The following SALL3 variants were observed in gnomAD, a reference collection of about 807,000 sequenced individuals.
SALL3 encodes spalt like transcription factor 3.
In SALL3, 25 loss-of-function variants were observed where a neutral mutation model predicts 66.2. That is an observed-to-expected ratio of 0.38 (90% CI 0.28 to 0.53). SALL3 has a LOEUF of 0.53. SALL3 is among the 20% of genes least tolerant of loss of function. SALL3 has a pLI of 0.85. For synonymous variants in SALL3, 1,152 were observed against 899.1 expected, an observed-to-expected ratio of 1.28 and a Z score of -5.03; for missense variants, 2,194 against 1,916.5, an observed-to-expected ratio of 1.14 and a Z score of -2.70.
rs1023708189 is a variant in SALL3, at chr18:78,980,023, G to C, written c.-252G>C. Among the ~76,000 whole-genome samples, 56 of 145,938 alleles carry C rather than the reference G, an allele frequency of 3.8e-4. No individual in the cohort carries two copies. The highest frequency in any genetic ancestry group is 1.3e-3 in the African/African-American group (53 of 40,808). ...GCCGCGGCCCCCTCCTCGTCGGCGCGGCCGCTAATTGCGAGCGCGGCCTCA... is the reference window on the plus strand; with the variant it reads ...GCCGCGGCCCCCTCCTCGTCGGCGCCGCCGCTAATTGCGAGCGCGGCCTCA... On this transcript the variant is annotated 5_prime_UTR_variant, in exon 1 of 3. Transcript: ENST00000537592.
In SALL3 at chr18:78,993,098, C is replaced by A; in HGVS notation, c.1107C>A (p.Ser369Arg). Residue 369 changes from serine to arginine, a missense_variant, in exon 2 of 3, where the codon AGC becomes AGA. Coordinates refer to ENST00000537592, the MANE Select transcript of SALL3 (RefSeq NM_171999.4). ...CGCTTCTACCTCAGACTTCCGCCAG[C>A]GGCGTCATCTTCCCCAACCCGCTGG... ...PSPLLPQTSASGVIFPNPLVS... is the reference protein window; with the variant it reads ...PSPLLPQTSARGVIFPNPLVS... The A allele has an allele frequency of 6.2e-7, 1 of 1,601,110 alleles. No homozygotes were observed. Among genetic ancestry groups the A allele is most frequent in the Non-Finnish European group, 8.5e-7 (1 of 1,177,032 alleles).
intron 1 of SALL3, among the ~76,000 whole-genome samples, chr18:78,988,918 C>T (rs563058484): frequency 5.3e-5 from 8 of 152,262 alleles, no homozygotes; most frequent in African/African-American, 1.7e-4. Context: ...AAATTTATTA[C>T]GGAGCTTTGC....
intron 1 of SALL3, chr18:78,991,734 G>A (rs1451014414): frequency 3.4e-5 from 10 of 292,234 alleles, no homozygotes; most frequent in African/African-American, 2.2e-5. Context: ...TGAGGAAGCC[G>A]GATGGTAAAG....
chr18:78,991,394 G>GA (rs57248232), intron 1 of SALL3, among the ~76,000 whole-genome samples: 1 of 109,894 alleles, frequency 9.1e-6, no homozygotes, highest in African/African-American at 3.8e-5. Context: ...GGGGGGGGGG[G>GA]AACTGCTCTG....
In SALL3 at chr18:78,995,289, C is replaced by T. The variant is rs1914651719; in HGVS notation, c.3298C>T (p.Pro1100Ser). The T allele has an allele frequency of 1.3e-6, 2 of 1,579,288 alleles. No homozygotes were observed. The highest frequency in any genetic ancestry group is 8.6e-7 in the Non-Finnish European group (1 of 1,168,048). The change falls in exon 2 of 3, where the codon CCC (proline) becomes TCC (serine). Residue 1100 changes from proline to serine, a missense_variant. Physicochemically the swap from Pro to Ser is moderately conservative, Grantham distance 74. Coordinates refer to ENST00000537592, the MANE Select transcript of SALL3 (RefSeq NM_171999.4). ...GACAGTGATGGGCCCGGGCCTGGCG[C>T]CCATGCTGGCCCCCCCACCGCGCCG... ...PQTVMGPGLA[P>S]MLAPPPRRTP...
At position 78,992,746 on chromosome 18, in the gene SALL3, G is replaced by GCCCGGC. The variant is rs1465644207; in HGVS notation, c.759_764dup (p.Ala254_Pro255dup). 1 of 1,178,272 alleles carries GCCCGGC rather than the reference G, an allele frequency of 8.5e-7. No homozygotes were observed. Among genetic ancestry groups the GCCCGGC allele is most frequent in the Non-Finnish European group, 1.0e-6 (1 of 952,916 alleles). 73.0% of individuals were successfully genotyped at this position (1,178,272 alleles called of 1,614,324 possible). A position where few individuals can be genotyped will look rare whatever the true frequency, so the allele number is the denominator to read the frequency against. ...CCCGCGGCCGCCCCGAGCGCACCGG[G>GCCCGGC]CCCGGCCCCCAGCCAGCTGCCCGGG... On this transcript the variant is annotated inframe_insertion, in exon 2 of 3. Transcript: ENST00000537592.
rs141630980 is a variant in SALL3 at position 78,998,843 on chromosome 18, C to G, written c.*1521C>G. 1 of 152,356 alleles carries G rather than the reference C, an allele frequency of 6.6e-6. No individual in the cohort carries two copies. The highest frequency in any genetic ancestry group is 2.4e-5 in the African/African-American group (1 of 41,540). 9.4% of individuals were successfully genotyped at this position (152,356 alleles called of 1,614,324 possible). ...CCTGACGCTGATGGCTGAGCTGCAT[C>G]CAGCCAGGAGGGCCCCGGAGGCTGG... is the stretch of plus-strand genomic sequence containing the variant. On this transcript the variant is annotated 3_prime_UTR_variant, in exon 3 of 3. Transcript: ENST00000537592.
Position 78,992,451 on chromosome 18 carries a change from C to G in SALL3, c.460C>G (p.Pro154Ala), listed in dbSNP as rs1481037663. The change falls in exon 2 of 3, where the codon CCC becomes GCC. Residue 154 changes from proline (P) to alanine (A), a missense_variant. By Grantham distance (27) the Pro-to-Ala change is conservative. Coordinates refer to ENST00000537592, the MANE Select transcript of SALL3 (RefSeq NM_171999.4). ...APRPPPAAPAPPTPAYGAPST... is the reference protein window; with the variant it reads ...APRPPPAAPAAPTPAYGAPST... ...CCGGCCCCCGCCTGCGGCCCCTGCA[C>G]CCCCAACGCCCGCCTACGGCGCGCC... 29 of 1,424,280 alleles carry G rather than the reference C, an allele frequency of 2.0e-5. No individual in the cohort carries two copies. The highest frequency in any genetic ancestry group is 2.6e-5 in the Non-Finnish European group (29 of 1,094,350). The allele number at this position is 1,424,280 out of a possible 1,614,324, so 88.2% of individuals were successfully genotyped here. A position where few individuals can be genotyped will look rare whatever the true frequency, so the allele number is the denominator to read the frequency against.
rs1913923636 is a variant in SALL3, at chr18:78,979,869, A to AGGGACGGCCACCGCGGC, written c.-405_-389dup. Reference sequence around the variant, plus strand: ...AAAGTTTGCTGCCTGCGCCCTGCGGAGGGACGGCCACCGCGGCCCGCGCCG... The same window carrying AGGGACGGCCACCGCGGC: ...AAAGTTTGCTGCCTGCGCCCTGCGGAGGGACGGCCACCGCGGCGGGACGGCCACCGCGGCCCGCGCCG... On this transcript the variant is annotated 5_prime_UTR_variant, in exon 1 of 3. Coordinates refer to ENST00000537592, the MANE Select transcript of SALL3 (RefSeq NM_171999.4). 7.0e-6 allele frequency among the ~76,000 whole-genome samples: 1 copy of AGGGACGGCCACCGCGGC among 142,482 alleles called. No individual in the cohort carries two copies. Among genetic ancestry groups the AGGGACGGCCACCGCGGC allele is most frequent in the South Asian group, 2.1e-4 (1 of 4,654 alleles). The allele number at this position is 142,482 out of a possible 152,430, so 93.5% of individuals were successfully genotyped here.
At chr18:78,985,946 A>G (rs1914231580) in intron 1 of SALL3, among the ~76,000 whole-genome samples, 1 of 152,202 alleles carries the variant, frequency 6.6e-6, no homozygotes, top group Admixed American at 6.5e-5. Flanking sequence ...TCAAATTTCG[A>G]TTGAAATTGT....
At chr18:78,984,058 A>C (rs982097605) in intron 1 of SALL3, among the ~76,000 whole-genome samples, 1 of 152,190 alleles carries the variant, frequency 6.6e-6, no homozygotes, top group Non-Finnish European at 1.5e-5. Context: ...ATATTTTTAG[A>C]TCTGTTGTTC....
Position 78,980,251 on chromosome 18 carries a change from C to T in SALL3, c.-24C>T. On this transcript the variant is annotated 5_prime_UTR_variant, in exon 1 of 3. Transcript: ENST00000537592. The stretch of plus-strand genomic sequence containing the variant: ...GCCCCGCTGATGCCGCTGCCCCGCG[C>T]GGGGCCCGAGCGCCGCTAGCAGCAT... 8.3e-7 allele frequency: 1 copy of T among 1,211,810 alleles called. No homozygotes were observed. Among genetic ancestry groups the T allele is most frequent in the Non-Finnish European group, 1.0e-6 (1 of 956,712 alleles). The allele number at this position is 1,211,810 out of a possible 1,614,324, so 75.1% of individuals were successfully genotyped here. A position where few individuals can be genotyped will look rare whatever the true frequency, so the allele number is the denominator to read the frequency against.
rs778340048 is a variant in SALL3, at chr18:78,993,460, A to G, written c.1469A>G (p.Asn490Ser). 6.2e-7 allele frequency: 1 copy of G among 1,612,798 alleles called. No homozygotes were observed. Among genetic ancestry groups the G allele is most frequent in the African/African-American group, 1.3e-5 (1 of 74,986 alleles). Reference protein sequence around the residue: ...NPYPVPEYLDNVPTCSGIPYG... With the variant: ...NPYPVPEYLDSVPTCSGIPYG... ...TACCCGGTCCCCGAGTACCTGGACA[A>G]CGTGCCCACCTGCTCGGGCATCCCC... is the stretch of plus-strand genomic sequence containing the variant. Residue 490 changes from asparagine to serine, a missense_variant, in exon 2 of 3, where the codon AAC (asparagine) becomes AGC (serine). Transcript: ENST00000537592.
At position 78,994,546 on chromosome 18, in the gene SALL3, C is replaced by T. The variant is rs746474474; in HGVS notation, c.2555C>T (p.Ser852Leu). ...ALENQMKMID[S>L]VMSCQQLTGL... ...GAGAACCAGATGAAGATGATCGACT[C>T]GGTCATGAGCTGCCAGCAGCTGACC... The change falls in exon 2 of 3, where the codon TCG (serine) becomes TTG (leucine). Residue 852 changes from serine to leucine, a missense_variant. By Grantham distance (145) the Ser-to-Leu change is moderately radical. Coordinates refer to ENST00000537592, the MANE Select transcript of SALL3 (RefSeq NM_171999.4). 1.9e-6 allele frequency: 3 copies of T among 1,607,808 alleles called. No individual in the cohort carries two copies. The highest frequency in any genetic ancestry group is 4.5e-5 in the East Asian group (2 of 44,424).
In SALL3 at chr18:78,995,501, G is replaced by C. The variant is rs753473793; in HGVS notation, c.3471+39G>C. The C allele has an allele frequency of 7.4e-6, 11 of 1,492,968 alleles. No homozygotes were observed. The African/African-American group carries it at 1.5e-4, about 21-fold the overall frequency. 92.5% of individuals were successfully genotyped at this position (1,492,968 alleles called of 1,614,324 possible). On this transcript the variant is annotated intron_variant, in intron 2 of 2. Transcript: ENST00000537592. ...AGGCTCCAGCCCCGGCTGCGGTGCGGCCGAGCCACGGTGGCTTTCTCCATC... is the reference window on the plus strand; with the variant it reads ...AGGCTCCAGCCCCGGCTGCGGTGCGCCCGAGCCACGGTGGCTTTCTCCATC...
intron 1 of SALL3, among the ~76,000 whole-genome samples, chr18:78,980,713 A>T (rs992002868): frequency 4.2e-4 from 54 of 127,830 alleles, no homozygotes; most frequent in Non-Finnish European, 8.9e-4. Context: ...TCTCTGCGCC[A>T]GGACGCTGAG....
intron 2 of SALL3, among the ~76,000 whole-genome samples, chr18:78,996,609 T>C (rs759665604): frequency 2.0e-5 from 3 of 152,220 alleles, no homozygotes; most frequent in African/African-American, 4.8e-5. Flanking sequence ...ATTCTCTGCG[T>C]GGCCATGTGG....
chr18:78,992,544 G>T lies in SALL3; in HGVS notation c.553G>T (p.Ala185Ser), dbSNP rs186555722. 0.045 allele frequency: 67,996 copies of T among 1,494,798 alleles called. 1,791 individuals carry two copies. The highest frequency in any genetic ancestry group is 0.05 in the Non-Finnish European group (56,666 of 1,129,226). 92.6% of individuals were successfully genotyped at this position (1,494,798 alleles called of 1,614,324 possible). Residue 185 changes from alanine (A) to serine (S), a missense_variant, in exon 2 of 3, where the codon GCG becomes TCG. Transcript: ENST00000537592. ...GGCGGTGGCGCAGTTCTCGCAGGGC[G>T]CGCGCGCGGCAGGCGGCTCGGGAGC... is the stretch of plus-strand genomic sequence containing the variant. The part of the protein sequence containing the change: ...KVAVAQFSQG[A>S]RAAGGSGAGG...
chr18:78,987,457 G>T lies in SALL3; in HGVS notation c.83-4617G>T, dbSNP rs567571881. On this transcript the variant is annotated intron_variant, in intron 1 of 2. Coordinates refer to ENST00000537592, the MANE Select transcript of SALL3 (RefSeq NM_171999.4). ...GTTAGAGGTTTTCTCTGAAAGGCCT[G>T]TGGGACCTTCCTCCCCTCTTCTGTA... 1.3e-3 allele frequency among the ~76,000 whole-genome samples: 194 copies of T among 152,298 alleles called. 2 individuals are homozygous for T. The highest frequency in any genetic ancestry group is 3.4e-3 in the Middle Eastern group (1 of 294).
Sources: gnomAD v4.1 joint callset for allele counts (sites outside exome capture counted in the v4.1 genomes callset) on GRCh38, gnomAD v4.1.1 for gene constraint, MANE v1.5 for transcripts, NCBI Gene and HGNC (gene_info 2026-07-23, HGNC 2026-07-21) for gene names.